Variants in CCDC144A observed in about 807,000 individuals in gnomAD.
CCDC144A encodes the protein coiled-coil domain-containing protein 144A.
A neutral mutation model predicts 143.8 loss-of-function variants in CCDC144A; 41 were observed. That is an observed-to-expected ratio of 0.29 (90% CI 0.22 to 0.37). CCDC144A has a LOEUF of 0.37. Ranked by LOEUF, CCDC144A falls within the 10% of genes least tolerant of loss-of-function variation. CCDC144A has a pLI of 1.00. For missense variants in CCDC144A, 637 were observed against 1,488.8 expected (o/e 0.43, Z 9.41); for synonymous variants, 242 against 517.9 (o/e 0.47, Z 7.23).
At chr17:16,733,406 G>A (rs1192989912) in intron 11 of CCDC144A, among the ~76,000 whole-genome samples, 4 of 149,306 alleles carry the variant, frequency 2.7e-5, no homozygotes, top group Non-Finnish European at 6.0e-5. Flanking sequence ...GGGAGGCTGA[G>A]GCAGGAGAAT....
chr17:16,695,646 T>C (rs1911355833), intron 2 of CCDC144A, among the ~76,000 whole-genome samples: 1 of 151,814 alleles, frequency 6.6e-6, no homozygotes, highest in East Asian at 1.9e-4. Context: ...CTTGTTATTA[T>C]CATTGTCACT....
the CCDC144A span, among the ~76,000 whole-genome samples, chr17:16,668,992 G>A: frequency 6.6e-6 from 1 of 152,118 alleles, no homozygotes; most frequent in South Asian, 2.1e-4. Context: ...GGAAACAAAT[G>A]TTCATGCCAT....
At chr17:16,692,195 C>T (rs1469190949) in intron 1 of CCDC144A, among the ~76,000 whole-genome samples, 1 of 151,802 alleles carries the variant, frequency 6.6e-6, no homozygotes, top group African/African-American at 2.4e-5. Flanking sequence ...GGGGATTGAG[C>T]ATCCTTCTAA....
At chr17:16,747,175 A>G (rs549084581) in intron 12 of CCDC144A, among the ~76,000 whole-genome samples, 2 of 151,960 alleles carry the variant, frequency 1.3e-5, no homozygotes, top group Non-Finnish European at 2.9e-5. Flanking sequence ...TCCTTTCCCC[A>G]TTGCATATTT....
rs563150865 is a variant in CCDC144A at position 16,749,721 on chromosome 17, G to A, written c.3373-11704G>A. 4.7e-3 allele frequency among the ~76,000 whole-genome samples: 719 copies of A among 152,330 alleles called. 3 individuals carry two copies. The highest frequency in any genetic ancestry group is 7.9e-3 in the Non-Finnish European group (539 of 68,016). On this transcript the variant is annotated intron_variant, in intron 12 of 16. Coordinates refer to ENST00000399273, the MANE Select transcript of CCDC144A (RefSeq NM_001382000.1). ...ATCCCCACTGTTATTGTGTGACTGA[G>A]TCTTTTGGTAGGTCTGGAAGTACTT...
rs1187059092 is a variant in CCDC144A, at chr17:16,693,069, A to C, written c.415+20A>C. 6.4e-7 allele frequency: 1 copy of C among 1,563,936 alleles called. No individual in the cohort carries two copies. Among genetic ancestry groups the C allele is most frequent in the Non-Finnish European group, 8.6e-7 (1 of 1,165,644 alleles). ...ATCCAGGTAAGACTTCTGATAGTGAATTATTTTTGGTGGTCCTACCATAGG... is the reference window on the plus strand; with the variant it reads ...ATCCAGGTAAGACTTCTGATAGTGACTTATTTTTGGTGGTCCTACCATAGG... On this transcript the variant is annotated intron_variant, in intron 2 of 16. Coordinates refer to ENST00000399273, the MANE Select transcript of CCDC144A (RefSeq NM_001382000.1).
chr17:16,704,193 C>G (rs1343494741), intron 2 of CCDC144A, among the ~76,000 whole-genome samples: 1 of 152,146 alleles, frequency 6.6e-6, no homozygotes, highest in Non-Finnish European at 1.5e-5. Context: ...GTGGCTCACG[C>G]CTGTAAATCC....
chr17:16,686,118 A>C (rs1203048685), upstream of CCDC144A, among the ~76,000 whole-genome samples: 1 of 134,938 alleles, frequency 7.4e-6, no homozygotes, highest in African/African-American at 2.8e-5. Context: ...TTTTTGAGAC[A>C]GAGTTTTGCT....
chr17:16,680,492 G>A, the CCDC144A span, among the ~76,000 whole-genome samples: 2 of 151,820 alleles, frequency 1.3e-5, no homozygotes, highest in East Asian at 3.9e-4. Flanking sequence ...AAATTTAAGT[G>A]AGTCTTGTTA....
At chr17:16,726,708 A>G (rs956265144) in intron 8 of CCDC144A, among the ~76,000 whole-genome samples, 4 of 151,924 alleles carry the variant, frequency 2.6e-5, no homozygotes, top group African/African-American at 9.7e-5. Context: ...TCTGGCACAC[A>G]TGTGCTGTTT....
intron 4 of CCDC144A, among the ~76,000 whole-genome samples, chr17:16,708,548 A>G (rs1397399152): frequency 6.6e-6 from 1 of 152,142 alleles, no homozygotes; most frequent in Non-Finnish European, 1.5e-5. Flanking sequence ...TTGCTGGTTC[A>G]TATTTTTCTC....
chr17:16,746,081 T>G lies in CCDC144A; in HGVS notation c.3372+10438T>G, dbSNP rs577472430. 4.4e-6 allele frequency: 7 copies of G among 1,606,586 alleles called. No homozygotes were observed. In the African/African-American group the frequency reaches 6.7e-5, roughly 15 times the overall value. On this transcript the variant is annotated intron_variant, in intron 12 of 16. Transcript: ENST00000399273. ...TCTCCTGGGGCTCCTTCAGCGAGCCTTCCACGGGCCTGGCTTTTACGACTG... is the reference window on the plus strand; with the variant it reads ...TCTCCTGGGGCTCCTTCAGCGAGCCGTCCACGGGCCTGGCTTTTACGACTG...
At chr17:16,751,966 T>A (rs912783803) in intron 12 of CCDC144A, among the ~76,000 whole-genome samples, 1 of 152,204 alleles carries the variant, frequency 6.6e-6, no homozygotes, top group African/African-American at 2.4e-5. Context: ...TCAACTGGAC[T>A]GTTAGCTGTT....
chr17:16,749,727 TG>T (rs1451160925), intron 12 of CCDC144A, among the ~76,000 whole-genome samples: 2 of 152,218 alleles, frequency 1.3e-5, no homozygotes, highest in Non-Finnish European at 2.9e-5. Context: ...CTGAGTCTTT[TG>T]GTAGGTCTGG....
intron 3 of CCDC144A, chr17:16,706,878 TAG>T (rs892610867): frequency 6.6e-6 from 1 of 152,168 alleles, no homozygotes; most frequent in Non-Finnish European, 1.5e-5. Flanking sequence ...AGGAGATACC[TAG>T]ATACCTGTTT....
intron 8 of CCDC144A, among the ~76,000 whole-genome samples, chr17:16,726,222 C>CA (rs534304317): frequency 4.7e-4 from 70 of 148,084 alleles, no homozygotes; most frequent in Non-Finnish European, 5.0e-4. Flanking sequence ...ACTAAAAATA[C>CA]AAAAAAAAAT....
rs1229292345 is a variant in CCDC144A, at chr17:16,690,278, T to C, written c.-123T>C. On this transcript the variant is annotated 5_prime_UTR_variant, in exon 1 of 17. Transcript: ENST00000399273. ...TGGCTGTTGGCTTGGCGGTGGTCGC[T>C]TGGCTTGGCGTGGCAGTGATCGCTT... The C allele has an allele frequency of 9.0e-6, 6 of 669,282 alleles. No homozygotes were observed. The highest frequency in any genetic ancestry group is 1.8e-5 in the African/African-American group (1 of 54,886). 41.5% of individuals were successfully genotyped at this position (669,282 alleles called of 1,614,324 possible). A position where few individuals can be genotyped will look rare whatever the true frequency, so the allele number is the denominator to read the frequency against.
rs1330761526 is a variant in CCDC144A, at chr17:16,708,847, C to A, written c.790C>A (p.Pro264Thr). ...TAAGGATTGCGATAGAGAGGATATA[C>A]CTATATATCCAGTACTTCCTCATGT... ...MAKDCDREDI[P>T]IYPVLPHVQK... The change falls in exon 5 of 17, where the codon CCT becomes ACT. Residue 264 changes from proline to threonine, a missense_variant. Pro to Thr is a conservative substitution (Grantham distance 38, BLOSUM62 -1). Transcript: ENST00000399273. 22 of 1,611,668 alleles carry A rather than the reference C, an allele frequency of 1.4e-5. No individual in the cohort carries two copies. The highest frequency in any genetic ancestry group is 1.8e-5 in the Non-Finnish European group (21 of 1,179,756).
intron 12 of CCDC144A, among the ~76,000 whole-genome samples, chr17:16,738,604 G>T (rs529165660): frequency 5.8e-4 from 89 of 152,264 alleles, no homozygotes; most frequent in African/African-American, 2.1e-3. Context: ...TCATTGTGTT[G>T]TAACATGTAT....
Sources: allele counts gnomAD v4.1 joint callset (sites outside exome capture counted in the v4.1 genomes callset), GRCh38; gene constraint gnomAD v4.1.1; transcripts MANE v1.5; gene names NCBI Gene and HGNC (gene_info 2026-07-23, HGNC 2026-07-21).